The following MBNL2 variants were observed in gnomAD, a reference collection of about 807,000 sequenced individuals.
MBNL2 encodes the protein muscleblind like splicing regulator 2.
MBNL2 carries 17 observed loss-of-function variants against 41.9 expected under a neutral mutation model. The observed-to-expected ratio is 0.41, with a 90% CI of 0.28 to 0.61. The LOEUF is 0.61. MBNL2 is among the 20% of genes least tolerant of loss of function. The probability of loss-of-function intolerance (pLI) is 0.35; values close to 1 mark genes in which losing one functional copy is unlikely to be tolerated. For synonymous variants in MBNL2, 195 were observed against 182.9 expected (o/e 1.07, Z -0.53); for missense variants, 336 against 505.6 (o/e 0.66, Z 3.22).
At chr13:97,211,530 G>A in the MBNL2 span, among the ~76,000 whole-genome samples, 1 of 152,192 alleles carries the variant, frequency 6.6e-6, no homozygotes, top group African/African-American at 2.4e-5. Flanking sequence ...TTTTCATTAA[G>A]CCTTCTAAAT....
chr13:97,276,823 T>A (rs1265990704), intron 2 of MBNL2, among the ~76,000 whole-genome samples: 1 of 152,076 alleles, frequency 6.6e-6, no homozygotes, highest in Non-Finnish European at 1.5e-5. Context: ...TGGCTTTTTT[T>A]TTTTTCCTTT....
chr13:97,291,900 C>CAAAAA lies in MBNL2; in HGVS notation c.174+15504_174+15508dup, dbSNP rs763407208. ...ACAGAGCGAGACTCCGTCTCCGTCT[C>CAAAAA]AAAAAAAAAAAAAAAAAGTGGGCTG... On this transcript the variant is annotated intron_variant, in intron 2 of 8. Coordinates refer to ENST00000679496, the MANE Select transcript of MBNL2 (RefSeq NM_001382683.1). Among the ~76,000 whole-genome samples, 312 of 37,812 alleles carry CAAAAA rather than the reference C, an allele frequency of 8.3e-3. 18 individuals carry two copies. Among genetic ancestry groups the CAAAAA allele is most frequent in the African/African-American group, 0.013 (56 of 4,272 alleles). 24.8% of individuals were successfully genotyped at this position (37,812 alleles called of 152,430 possible).
intron 1 of MBNL2, among the ~76,000 whole-genome samples, chr13:97,237,996 G>A (rs1455097192): frequency 6.6e-6 from 1 of 152,108 alleles, no homozygotes; most frequent in Admixed American, 6.5e-5. Context: ...AAGGGAGGGA[G>A]TCAAAGCCGA....
chr13:97,144,600 T>C, the MBNL2 span, among the ~76,000 whole-genome samples: 2 of 151,920 alleles, frequency 1.3e-5, no homozygotes, highest in African/African-American at 4.8e-5. Flanking sequence ...TGGCTAATTT[T>C]GCATTTTTAG....
intron 4 of MBNL2, 75 bp downstream of exon 4, chr13:97,343,291 G>A: frequency 8.8e-7 from 1 of 1,134,758 alleles, no homozygotes; most frequent in Non-Finnish European, 1.3e-6. Flanking sequence ...TTGCTTGTAA[G>A]ATATTAATTC....
At chr13:97,220,492 A>T (rs2040760354), upstream of MBNL2, among the ~76,000 whole-genome samples, 1 of 152,210 alleles carries the variant, frequency 6.6e-6, no homozygotes, top group African/African-American at 2.4e-5. Flanking sequence ...CACTTGGGAA[A>T]ACAGTGGAGA....
chr13:97,156,168 T>C, the MBNL2 span, among the ~76,000 whole-genome samples: 2 of 113,530 alleles, frequency 1.8e-5, no homozygotes, highest in African/African-American at 3.6e-5. Flanking sequence ...CATTTTTTCA[T>C]GTGTTTTTTG....
intron 2 of MBNL2, among the ~76,000 whole-genome samples, chr13:97,287,778 T>G (rs1408329913): frequency 4.6e-4 from 68 of 147,204 alleles, no homozygotes; most frequent in African/African-American, 1.7e-3. Context: ...CAGGCTGGAG[T>G]GCAGTGGCAT....
chr13:97,210,126 G>T, the MBNL2 span, among the ~76,000 whole-genome samples: 1 of 152,186 alleles, frequency 6.6e-6, no homozygotes, highest in African/African-American at 2.4e-5. Context: ...AAAACCCAAA[G>T]TGTCCTCAGT....
chr13:97,329,526 A>C (rs2060193221), intron 2 of MBNL2, among the ~76,000 whole-genome samples: 1 of 151,334 alleles, frequency 6.6e-6, no homozygotes, highest in Non-Finnish European at 1.5e-5. Flanking sequence ...CCTTCTCTGC[A>C]CTGGCCTTAG....
chr13:97,389,793 A>G (rs1047131075), intron 8 of MBNL2, among the ~76,000 whole-genome samples: 11 of 152,110 alleles, frequency 7.2e-5, no homozygotes, highest in Non-Finnish European at 1.2e-4. Context: ...AAAGTAAAAG[A>G]AAAAGAAAAA....
At chr13:97,367,755 C>T (rs2063979350) in intron 8 of MBNL2, among the ~76,000 whole-genome samples, 1 of 152,136 alleles carries the variant, frequency 6.6e-6, no homozygotes, top group African/African-American at 2.4e-5. Flanking sequence ...GGCCGAACAG[C>T]AGTGCAGAGG....
At chr13:97,302,359 T>C (rs1198497024) in intron 2 of MBNL2, among the ~76,000 whole-genome samples, 2 of 152,270 alleles carry the variant, frequency 1.3e-5, no homozygotes, top group African/African-American at 4.8e-5. Flanking sequence ...GGGACCTGAA[T>C]GTTGAAAGTA....
intron 2 of MBNL2, among the ~76,000 whole-genome samples, chr13:97,303,225 G>C (rs188771837): frequency 6.6e-6 from 1 of 152,276 alleles, no homozygotes; most frequent in African/African-American, 2.4e-5. Context: ...GTCTTTTGGG[G>C]TAGAAATTTC....
the MBNL2 span, among the ~76,000 whole-genome samples, chr13:97,149,070 C>T: frequency 2.0e-5 from 3 of 152,148 alleles, no homozygotes. Flanking sequence ...AGCCAAGATC[C>T]ACTGTGGCTG....
At chr13:97,245,571 C>T (rs2045305778) in intron 1 of MBNL2, among the ~76,000 whole-genome samples, 1 of 152,168 alleles carries the variant, frequency 6.6e-6, no homozygotes, top group Non-Finnish European at 1.5e-5. Context: ...ATTTCACTAT[C>T]TTAATTGATT....
chr13:97,373,625 T>TATATATATATATATATA (rs1287135685), intron 8 of MBNL2, among the ~76,000 whole-genome samples: 1 of 150,108 alleles, frequency 6.7e-6, no homozygotes, highest in African/African-American at 2.5e-5. Context: ...TATATATATA[T>TATATATATATATATATA]TAAGGGTAGG....
chr13:97,389,129 G>A (rs909307160), intron 8 of MBNL2, among the ~76,000 whole-genome samples: 1 of 152,220 alleles, frequency 6.6e-6, no homozygotes, highest in African/African-American at 2.4e-5. Flanking sequence ...GGGAAGTGCA[G>A]TCTGGGTGAG....
At chr13:97,365,845 C>T (rs566776953) in intron 8 of MBNL2, among the ~76,000 whole-genome samples, 3 of 152,192 alleles carry the variant, frequency 2.0e-5, no homozygotes, top group Admixed American at 6.5e-5. Context: ...GCAAATTTTG[C>T]CTGGCTATTT....
Sources: allele counts gnomAD v4.1 joint callset (sites outside exome capture counted in the v4.1 genomes callset), GRCh38; gene constraint gnomAD v4.1.1; transcripts MANE v1.5; gene names NCBI Gene and HGNC (gene_info 2026-07-23, HGNC 2026-07-21).